Variants in TASOR2 observed in about 807,000 individuals in gnomAD.
The protein encoded by TASOR2 is transcription activation suppressor family member 2, also known as protein TASOR 2.
A neutral mutation model predicts 199.5 loss-of-function variants in TASOR2; 84 were observed. The ratio of observed to expected loss-of-function variants is 0.42; its 90% CI spans 0.35 to 0.50. The LOEUF is 0.50. Among genes scored for constraint, TASOR2 ranks in the 20% least tolerant of loss-of-function variants. The pLI, the probability that TASOR2 is intolerant of heterozygous loss-of-function variation, is 0.02. For missense variants in TASOR2, 2,796 were observed against 2,835.9 expected (o/e 0.99, Z 0.32); for synonymous variants, 1,103 against 1,046.6 (o/e 1.05, Z -1.04).
At chr10:5,724,204 C>T (rs1588731541) in intron 7 of TASOR2, among the ~76,000 whole-genome samples, 1 of 146,506 alleles carries the variant, frequency 6.8e-6, no homozygotes, top group Non-Finnish European at 1.5e-5. Context: ...TTGTATTTGT[C>T]TTGTTAATCC....
At chr10:5,713,157 A>G (rs556200742) in intron 2 of TASOR2, among the ~76,000 whole-genome samples, 2 of 152,254 alleles carry the variant, frequency 1.3e-5, no homozygotes, top group African/African-American at 2.4e-5. Context: ...TTAGGGTGCA[A>G]TTTGGATTAA....
rs1218732936 is a variant in TASOR2, at chr10:5,730,793, C to T, written c.794C>T (p.Ser265Leu). The T allele has an allele frequency of 4.3e-6, 7 of 1,614,006 alleles. No individual in the cohort carries two copies. Among genetic ancestry groups the T allele is most frequent in the Non-Finnish European group, 4.2e-6 (5 of 1,180,026 alleles). ...TTAACTCAGTTGAACTCTTATTTTT[C>T]AGACCCTAGTGCTTACATTTTGGAA... The change falls in exon 11 of 21, where the codon TCA becomes TTA. Residue 265 changes from serine to leucine, a missense_variant. This residue lies in a region of TASOR2 where 847 missense variants were observed against 887.4 expected (regional missense o/e 0.95). Transcript: ENST00000328090. This position sits in a 1 kb window ranked among gnomAD's most constrained non-coding sequence, Gnocchi z 4.1.
chr10:5,753,357 T>G (rs1041953053), intron 15 of TASOR2, among the ~76,000 whole-genome samples: 24 of 151,254 alleles, frequency 1.6e-4, no homozygotes, highest in African/African-American at 5.9e-4. Flanking sequence ...TGCCAAGGTT[T>G]GTTTGTTTGT....
chr10:5,686,894 T>C (rs1461791561), intron 1 of TASOR2, among the ~76,000 whole-genome samples: 1 of 152,216 alleles, frequency 6.6e-6, no homozygotes, highest in Admixed American at 6.5e-5. Context: ...TTTGGTACTT[T>C]CTTTTGAAAA....
chr10:5,697,157 A>C (rs1242364394), intron 1 of TASOR2, among the ~76,000 whole-genome samples: 1 of 152,234 alleles, frequency 6.6e-6, no homozygotes, highest in Non-Finnish European at 1.5e-5. Context: ...ACAAAACTTC[A>C]TTGTACCGAA....
Position 5,739,753 on chromosome 10 carries a change from A to G in TASOR2, c.1583A>G (p.Asn528Ser), listed in dbSNP as rs140056087. The G allele has an allele frequency of 1.8e-4, 286 of 1,614,212 alleles. 1 individual carries two copies. The East Asian group carries it at 4.2e-3, about 24-fold the overall frequency. The change falls in exon 13 of 21, where the codon AAC becomes AGC. Residue 528 changes from asparagine to serine, a missense_variant. Asn to Ser is a conservative substitution (Grantham distance 46). Around this residue, in one of 3 missense-constraint regions of TASOR2, gnomAD observed 847 missense variants for 887.4 expected, o/e 0.95. Transcript: ENST00000328090. ...GATCTTCCTGAAAACTCCATCGTCA[A>G]CTATGACTCCCAGGCCCTAAATATG...
chr10:5,721,389 G>T (rs577165291), intron 6 of TASOR2, among the ~76,000 whole-genome samples: 23 of 152,254 alleles, frequency 1.5e-4, no homozygotes, highest in African/African-American at 5.3e-4. Flanking sequence ...CAATTATCAT[G>T]ATTAATATTT....
In TASOR2 at chr10:5,701,629, T is replaced by C. The variant is rs1047951445; in HGVS notation, c.-287-11194T>C. Among the ~76,000 whole-genome samples, 1 of 152,194 alleles carries C rather than the reference T, an allele frequency of 6.6e-6. No homozygotes were observed. Among genetic ancestry groups the C allele is most frequent in the African/African-American group, 2.4e-5 (1 of 41,454 alleles). Reference sequence around the variant, plus strand: ...TTCTATTTTTTAATGTCCACTTCAATTTCTTTCATCATTGTTTTATAGTTT... The same window carrying C: ...TTCTATTTTTTAATGTCCACTTCAACTTCTTTCATCATTGTTTTATAGTTT... On this transcript the variant is annotated intron_variant, in intron 1 of 20. Transcript: ENST00000328090. This position sits in a 1 kb window ranked among gnomAD's most constrained non-coding sequence, Gnocchi z 4.9.
rs1313944893 is a variant in TASOR2, at chr10:5,752,347, G to T, written c.6606+2320G>T. 6.6e-6 allele frequency among the ~76,000 whole-genome samples: 1 copy of T among 152,230 alleles called. No individual in the cohort carries two copies. The highest frequency in any genetic ancestry group is 1.5e-5 in the Non-Finnish European group (1 of 68,020). Reference sequence around the variant, plus strand: ...GATTGGCCTGGCCGGGGAGGTCTTTGCTCAGGAAGTGCTGCAGCACAGAAA... The same window carrying T: ...GATTGGCCTGGCCGGGGAGGTCTTTTCTCAGGAAGTGCTGCAGCACAGAAA... On this transcript the variant is annotated intron_variant, in intron 15 of 20. Transcript: ENST00000328090. This position sits in a 1 kb window ranked among gnomAD's most constrained non-coding sequence, Gnocchi z 4.4.
chr10:5,692,391 C>G (rs1564244316), intron 1 of TASOR2, among the ~76,000 whole-genome samples: 2 of 152,048 alleles, frequency 1.3e-5, no homozygotes, highest in Non-Finnish European at 2.9e-5. Context: ...GGGTAGGACA[C>G]TTAAGGAAAT....
At chr10:5,746,617 A>G in exon 15 of TASOR2, 1 of 1,614,192 alleles carries the variant, frequency 6.2e-7, no homozygotes, top group Non-Finnish European at 8.5e-7. Flanking sequence ...ACCAATACAG[A>G]CAGAAGGTGT....
In TASOR2 at chr10:5,689,257, G is replaced by T; in HGVS notation, c.-288+4082G>T. Among the ~76,000 whole-genome samples the T allele has an allele frequency of 6.6e-6, 1 of 152,078 alleles. No homozygotes were observed. The highest frequency in any genetic ancestry group is 1.5e-5 in the Non-Finnish European group (1 of 68,024). On this transcript the variant is annotated intron_variant, in intron 1 of 20. Coordinates refer to ENST00000328090, the Ensembl canonical transcript of TASOR2. The surrounding 1 kb of genome is among the most constrained non-coding windows in gnomAD (Gnocchi z 4.1). Reference sequence around the variant, plus strand: ...ATTTTGTTCTGACTGTTTTTTGTGGGTTCTTTTGTTGTTTGTTTTGATCTT... The same window carrying T: ...ATTTTGTTCTGACTGTTTTTTGTGGTTTCTTTTGTTGTTTGTTTTGATCTT...
At chr10:5,733,583 C>T (rs945922817) in intron 11 of TASOR2, among the ~76,000 whole-genome samples, 1 of 152,192 alleles carries the variant, frequency 6.6e-6, no homozygotes, top group Non-Finnish European at 1.5e-5. Flanking sequence ...GTTTGAGAAG[C>T]ATGGTATTGA....
At chr10:5,688,353 C>A (rs1454387280) in intron 1 of TASOR2, among the ~76,000 whole-genome samples, 1 of 150,750 alleles carries the variant, frequency 6.6e-6, no homozygotes, top group Non-Finnish European at 1.5e-5. Flanking sequence ...TCCTGAGTAA[C>A]TAGGGCTACA....
chr10:5,713,266 A>G (rs1416243153), intron 2 of TASOR2, among the ~76,000 whole-genome samples: 1 of 152,044 alleles, frequency 6.6e-6, no homozygotes, highest in African/African-American at 2.4e-5. Context: ...TCCTGTGGAA[A>G]TTTTTCTGGT....
chr10:5,717,617 A>G, intron 2 of TASOR2, 42 bp from the exon 4 acceptor site: 1 of 852,188 alleles, frequency 1.2e-6, no homozygotes, highest in Non-Finnish European at 1.6e-6. Flanking sequence ...CTCCTGTCTG[A>G]TGGGCAATCT....
At chr10:5,735,407 A>G (rs745813858) in exon 12 of TASOR2, 1 of 1,614,178 alleles carries the variant, frequency 6.2e-7, no homozygotes, top group Non-Finnish European at 8.5e-7. Context: ...CAAATGCTAA[A>G]AGGGCAAGGA....
intron 16 of TASOR2, among the ~76,000 whole-genome samples, chr10:5,756,954 T>G (rs1839052674): frequency 6.6e-6 from 1 of 152,204 alleles, no homozygotes. Context: ...AAGGGAGACT[T>G]AGGTGAGAGG....
Position 5,737,947 on chromosome 10 carries a change from G to A in TASOR2, c.1448-1671G>A, listed in dbSNP as rs1392352047. 6.6e-6 allele frequency among the ~76,000 whole-genome samples: 1 copy of A among 152,194 alleles called. No homozygotes were observed. The highest frequency in any genetic ancestry group is 1.9e-4 in the East Asian group (1 of 5,190). On this transcript the variant is annotated intron_variant, in intron 12 of 20. Coordinates refer to ENST00000328090, the Ensembl canonical transcript of TASOR2. This position sits in a 1 kb window ranked among gnomAD's most constrained non-coding sequence, Gnocchi z 4.9. ...TAGGTATTGTGCAGCCACATTCCAA[G>A]TTAACATTTTTGAATGACTACATTT... is the stretch of plus-strand genomic sequence containing the variant.
Sources: gnomAD v4.1 joint callset for allele counts (sites outside exome capture counted in the v4.1 genomes callset) on GRCh38, gnomAD v4.1.1 for gene constraint, gnomAD v4.1.1 regional missense constraint, Gnocchi (gnomAD v3.1) non-coding constraint, MANE v1.5 for transcripts, NCBI Gene and HGNC (gene_info 2026-07-23, HGNC 2026-07-21) for gene names.